NLGN1: variants seen among roughly 807,000 people sequenced by gnomAD.
The protein encoded by NLGN1 is neuroligin-1.
Under a neutral mutation model 65.5 loss-of-function variants are expected in NLGN1, and 12 were observed. The observed-to-expected ratio is 0.18, with a 90% CI of 0.12 to 0.30. The LOEUF (loss-of-function observed/expected upper bound fraction) is 0.30, where lower values mean the gene tolerates loss of function less well. NLGN1 is among the 10% of genes least tolerant of loss of function. NLGN1 has a pLI of 1.00. For synonymous variants in NLGN1, 350 were observed against 359.5 expected, an observed-to-expected ratio of 0.97 and a Z score of 0.30; for missense variants, 750 against 1,007.1, an observed-to-expected ratio of 0.74 and a Z score of 3.46.
intron 2 of NLGN1, among the ~76,000 whole-genome samples, chr3:173,551,143 G>A (rs1445162218): frequency 1.3e-5 from 2 of 152,152 alleles, no homozygotes; most frequent in Non-Finnish European, 2.9e-5. Context: ...AGTTGGACTG[G>A]AGTTGTGGAA....
chr3:173,972,531 T>A (rs1292501029), intron 4 of NLGN1, among the ~76,000 whole-genome samples: 3 of 151,934 alleles, frequency 2.0e-5, no homozygotes, highest in Non-Finnish European at 4.4e-5. Context: ...TTTAGGAAAA[T>A]TGACCTTGAA....
Position 173,402,661 on chromosome 3 carries a change from A to G in NLGN1, c.-390+4174A>G, listed in dbSNP as rs542519679. The stretch of plus-strand genomic sequence containing the variant: ...AACAATATGATTATCACAGAGCCAA[A>G]CATCACCTCTTCTCATAGCCCCACT... On this transcript the variant is annotated intron_variant, in intron 1 of 6. Transcript: ENST00000457714. Among the ~76,000 whole-genome samples, 23 of 152,260 alleles carry G rather than the reference A, an allele frequency of 1.5e-4. No homozygotes were observed. In the South Asian group the frequency reaches 4.6e-3, roughly 30 times the overall value.
At chr3:173,950,688 C>A (rs989848456) in intron 4 of NLGN1, among the ~76,000 whole-genome samples, 3 of 150,770 alleles carry the variant, frequency 2.0e-5, no homozygotes, top group Non-Finnish European at 4.4e-5. Flanking sequence ...TGGTGCACAC[C>A]TATAATCCCA....
intron 4 of NLGN1, among the ~76,000 whole-genome samples, chr3:174,014,297 A>T (rs1041852601): frequency 6.6e-6 from 1 of 152,310 alleles, no homozygotes; most frequent in Admixed American, 6.5e-5. Context: ...TTCTTACACA[A>T]TAAACTCCAG....
chr3:174,149,654 G>T (rs1279686558), intron 4 of NLGN1, among the ~76,000 whole-genome samples: 2 of 151,974 alleles, frequency 1.3e-5, no homozygotes, highest in Non-Finnish European at 2.9e-5. Flanking sequence ...AGCCATTAAA[G>T]AAATATTGAT....
chr3:173,669,765 A>G (rs1437824511), intron 3 of NLGN1, among the ~76,000 whole-genome samples: 2 of 152,166 alleles, frequency 1.3e-5, no homozygotes, highest in Non-Finnish European at 1.5e-5. Context: ...TTGTTATAAT[A>G]CAAGTTTTTT....
chr3:173,876,564 A>G (rs1317718742), intron 4 of NLGN1, among the ~76,000 whole-genome samples: 3 of 152,144 alleles, frequency 2.0e-5, no homozygotes, highest in African/African-American at 7.2e-5. Context: ...GTGTGGTTTT[A>G]AAAGCTATTC....
intron 3 of NLGN1, among the ~76,000 whole-genome samples, chr3:173,690,442 T>C (rs192043934): frequency 6.6e-6 from 1 of 152,300 alleles, no homozygotes; most frequent in East Asian, 1.9e-4. Flanking sequence ...CAGCTCTTGC[T>C]ATTACCTTCT....
At chr3:173,722,723 A>G (rs1029766207) in intron 3 of NLGN1, among the ~76,000 whole-genome samples, 10 of 152,104 alleles carry the variant, frequency 6.6e-5, no homozygotes, top group African/African-American at 2.2e-4. Flanking sequence ...CACATTTTTC[A>G]TCAATGTTTA....
chr3:174,095,288 G>A (rs1019642416), intron 4 of NLGN1, among the ~76,000 whole-genome samples: 11 of 150,328 alleles, frequency 7.3e-5, no homozygotes, highest in Admixed American at 7.3e-4. Context: ...AGCTAAATTT[G>A]GCTAAAGAAG....
chr3:173,551,836 A>C (rs1176567810), intron 2 of NLGN1, among the ~76,000 whole-genome samples: 1 of 152,188 alleles, frequency 6.6e-6, no homozygotes, highest in East Asian at 1.9e-4. Flanking sequence ...TATTGTACCT[A>C]CTTCTTCAGA....
intron 2 of NLGN1, among the ~76,000 whole-genome samples, chr3:173,453,828 A>C (rs1560277525): frequency 6.6e-6 from 1 of 152,146 alleles, no homozygotes; most frequent in Non-Finnish European, 1.5e-5. Context: ...TCTTTCTGCT[A>C]ATGTTTATAT....
At chr3:173,499,080 T>C (rs1042115817) in intron 2 of NLGN1, among the ~76,000 whole-genome samples, 2 of 151,196 alleles carry the variant, frequency 1.3e-5, no homozygotes, top group African/African-American at 4.9e-5. Flanking sequence ...TTGTCAATTT[T>C]GTCTTTTGTT....
Position 174,133,738 on chromosome 3 carries a change from G to A in NLGN1, c.647-141577G>A, listed in dbSNP as rs375034707. Among the ~76,000 whole-genome samples, 9 of 152,240 alleles carry A rather than the reference G, an allele frequency of 5.9e-5. 1 individual carries two copies. In the South Asian group the frequency reaches 1.9e-3, roughly 32 times the overall value. On this transcript the variant is annotated intron_variant, in intron 4 of 6. Transcript: ENST00000457714. ...CACACTTCCCAAAGACAAGCAGTAAGTTTTTGGAGGCAGATTGTCGGAAGT... is the reference window on the plus strand; with the variant it reads ...CACACTTCCCAAAGACAAGCAGTAAATTTTTGGAGGCAGATTGTCGGAAGT...
chr3:173,963,653 AAAT>A (rs1393352597), intron 4 of NLGN1, among the ~76,000 whole-genome samples: 2 of 152,344 alleles, frequency 1.3e-5, no homozygotes, highest in South Asian at 4.1e-4. Flanking sequence ...TAAAAATGAG[AAAT>A]AATAGTATAA....
At chr3:173,907,716 C>T (rs1267532156) in intron 4 of NLGN1, among the ~76,000 whole-genome samples, 1 of 151,910 alleles carries the variant, frequency 6.6e-6, no homozygotes, top group Non-Finnish European at 1.5e-5. Context: ...TCCTGAGTAG[C>T]TGGGATTACA....
intron 3 of NLGN1, among the ~76,000 whole-genome samples, chr3:173,762,494 A>C (rs543139636): frequency 2.3e-4 from 35 of 152,180 alleles, no homozygotes; most frequent in African/African-American, 7.7e-4. Flanking sequence ...AAAACATGCA[A>C]ATGATGTGAT....
intron 3 of NLGN1, among the ~76,000 whole-genome samples, chr3:173,738,459 T>A (rs1011733801): frequency 6.6e-6 from 1 of 152,122 alleles, no homozygotes; most frequent in Non-Finnish European, 1.5e-5. Flanking sequence ...TTTTTTTACA[T>A]GTTGATATCC....
intron 3 of NLGN1, among the ~76,000 whole-genome samples, chr3:173,698,014 A>C (rs2149858731): frequency 7.1e-6 from 1 of 140,666 alleles, no homozygotes; most frequent in Non-Finnish European, 1.5e-5. Flanking sequence ...TAAACGCATA[A>C]GGACAAAGCT....
Sources: gnomAD v4.1 joint callset for allele counts (sites outside exome capture counted in the v4.1 genomes callset) on GRCh38, gnomAD v4.1.1 for gene constraint, MANE v1.5 for transcripts, NCBI Gene and HGNC (gene_info 2026-07-23, HGNC 2026-07-21) for gene names.